The following ABCC6 variants were observed in gnomAD, a reference collection of about 807,000 sequenced individuals.
ABCC6 encodes ATP binding cassette subfamily C member 6.
Under a neutral mutation model 169.5 loss-of-function variants are expected in ABCC6, and 126 were observed. That is an observed-to-expected ratio of 0.74 (90% CI 0.64 to 0.86). The LOEUF is 0.86. ABCC6 is among the 40% of genes least tolerant of loss of function. The probability of loss-of-function intolerance (pLI) is 0.00; values close to 1 mark genes in which losing one functional copy is unlikely to be tolerated. For missense variants in ABCC6, 1,733 were observed against 1,927.2 expected, an observed-to-expected ratio of 0.90 and a Z score of 1.89; for synonymous variants, 752 against 814.7, an observed-to-expected ratio of 0.92 and a Z score of 1.31.
intron 4 of ABCC6, 95 bp downstream of exon 4, chr16:16,219,459 G>C: frequency 1.3e-6 from 1 of 765,594 alleles, no homozygotes; most frequent in Non-Finnish European, 2.2e-6. Flanking sequence ...ACTGTATAGA[G>C]AATAAGTTGT....
At chr16:16,216,437 G>T (rs56231928) in intron 4 of ABCC6, among the ~76,000 whole-genome samples, 11,326 of 148,436 alleles carry the variant, frequency 0.076, 1,024 homozygotes, top group East Asian at 0.33. Flanking sequence ...AAATAAGTGA[G>T]AATATGTAAA....
At chr16:16,175,013 T>TAGTG (rs1340946510) in intron 20 of ABCC6, among the ~76,000 whole-genome samples, 4 of 151,720 alleles carry the variant, frequency 2.6e-5, no homozygotes, top group African/African-American at 9.7e-5. Flanking sequence ...GACCTCTAGC[T>TAGTG]AGTGATCCAC....
At chr16:16,167,658 G>A (rs188634374) in intron 22 of ABCC6, among the ~76,000 whole-genome samples, 1 of 152,058 alleles carries the variant, frequency 6.6e-6, no homozygotes, top group Non-Finnish European at 1.5e-5. Flanking sequence ...TAGTAGAGAC[G>A]GGGTTTCACC....
rs72653768 is a variant in ABCC6 at position 16,190,339 on chromosome 16, C to T, written c.1460G>A (p.Arg487Gln). ...QEEQMRQKDS[R>Q]ARLTSSILRN... Reference sequence around the variant, plus strand: ...GAGGATAGAGCTGGTGAGCCGTGCCCGTGAGTCCTTCTGCCTCATTTGCTC... The same window carrying T: ...GAGGATAGAGCTGGTGAGCCGTGCCTGTGAGTCCTTCTGCCTCATTTGCTC... Residue 487 changes from arginine (R) to glutamine (Q), a missense_variant, in exon 12 of 31, where the codon CGG (arginine) becomes CAG (glutamine). Coordinates refer to ENST00000205557, the MANE Select transcript of ABCC6 (RefSeq NM_001171.6). 8.7e-6 allele frequency: 14 copies of T among 1,614,136 alleles called. No homozygotes were observed. The highest frequency in any genetic ancestry group is 8.3e-5 in the Admixed American group (5 of 60,016).
Position 16,188,837 on chromosome 16 carries a change from G to T in ABCC6, c.1773C>A (p.Leu591=), listed in dbSNP as rs764315042. Residue 591 remains leucine, a synonymous_variant, in exon 13 of 31, where the codon CTC becomes CTA. Transcript: ENST00000205557. The part of the protein sequence containing the change: ...QAFLPFSIHS[L]VQARVSFDRL... ...GCCCTTGCACCCACCTCACCTGGAC[G>T]AGGGAGTGGATGGAGAAGGGCAGGA... 1.9e-6 allele frequency: 3 copies of T among 1,613,816 alleles called. No individual in the cohort carries two copies. Among genetic ancestry groups the T allele is most frequent in the African/African-American group, 1.3e-5 (1 of 75,056 alleles).
chr16:16,221,666 G>C lies in ABCC6; in HGVS notation c.202C>G (p.Leu68Val), dbSNP rs748123458. The change falls in exon 2 of 31, where the codon CTC becomes GTC. Residue 68 changes from leucine (L) to valine (V), a missense_variant. By Grantham distance (32) the Leu-to-Val change is conservative. Coordinates refer to ENST00000205557, the MANE Select transcript of ABCC6 (RefSeq NM_001171.6). ...GCAGCTACCATCTTGGCTTTGAAGA[G>C]TGGGGACATCCGGAGGTAGCCCCGG... is the stretch of plus-strand genomic sequence containing the variant. ...HGRGYLRMSPLFKAKMVLGFA... is the reference protein window; with the variant it reads ...HGRGYLRMSPVFKAKMVLGFA... 6.2e-7 allele frequency: 1 copy of C among 1,614,012 alleles called. No individual in the cohort carries two copies. Among genetic ancestry groups the C allele is most frequent in the Non-Finnish European group, 8.5e-7 (1 of 1,179,872 alleles).
intron 26 of ABCC6, among the ~76,000 whole-genome samples, chr16:16,158,510 C>A (rs1411581435): frequency 6.6e-6 from 1 of 152,154 alleles, no homozygotes; most frequent in African/African-American, 2.4e-5. Flanking sequence ...ATCCATTCAT[C>A]TGTCCATCTC....
intron 21 of ABCC6, 69 bp from the exon 22 acceptor site, chr16:16,169,922 C>T: frequency 6.7e-7 from 1 of 1,483,806 alleles, no homozygotes; most frequent in South Asian, 1.2e-5. Flanking sequence ...GAGGCAAGGC[C>T]AGGCGAGGCT....
intron 4 of ABCC6, among the ~76,000 whole-genome samples, chr16:16,218,004 C>T (rs1447343394): frequency 2.0e-5 from 3 of 152,152 alleles, no homozygotes; most frequent in Non-Finnish European, 2.9e-5. Flanking sequence ...GTATGGGAAT[C>T]GATTGAACCC....
At chr16:16,166,847 G>A (rs928403391) in intron 22 of ABCC6, among the ~76,000 whole-genome samples, 1 of 152,124 alleles carries the variant, frequency 6.6e-6, no homozygotes, top group African/African-American at 2.4e-5. Flanking sequence ...GCCATAAGCC[G>A]AGATCGTGCT....
intron 9 of ABCC6, among the ~76,000 whole-genome samples, chr16:16,201,139 G>A (rs1239784534): frequency 8.5e-5 from 13 of 152,068 alleles, no homozygotes; most frequent in African/African-American, 2.9e-4. Context: ...GCTAATTTTT[G>A]TATTTTTAGT....
At chr16:16,211,032 T>C (rs2048595039) in intron 6 of ABCC6, among the ~76,000 whole-genome samples, 1 of 150,908 alleles carries the variant, frequency 6.6e-6, no homozygotes, top group African/African-American at 2.4e-5. Flanking sequence ...GAGGTGGAGG[T>C]TGCAGTGAGC....
At chr16:16,166,892 C>A (rs913498067) in intron 22 of ABCC6, among the ~76,000 whole-genome samples, 2 of 131,188 alleles carry the variant, frequency 1.5e-5, no homozygotes, top group Non-Finnish European at 3.3e-5. Flanking sequence ...AGCAAGACTC[C>A]GTCTCAGAAA....
intron 4 of ABCC6, among the ~76,000 whole-genome samples, chr16:16,219,051 A>T: frequency 8.6e-6 from 1 of 116,254 alleles, no homozygotes; most frequent in East Asian, 2.4e-4. Flanking sequence ...GCGACAGAGC[A>T]AGCCTCTCAA....
Position 16,221,229 on chromosome 16 carries a change from A to G in ABCC6, c.219+420T>C, listed in dbSNP as rs958829547. On this transcript the variant is annotated intron_variant, in intron 2 of 30. Coordinates refer to ENST00000205557, the MANE Select transcript of ABCC6 (RefSeq NM_001171.6). ...GTGTTTATTTAACACACTAAGGTAA[A>G]TACATATCACATATAAAAATTGTCC... 69 of 1,045,498 alleles carry G rather than the reference A, an allele frequency of 6.6e-5. 1 individual carries two copies. In the African/African-American group the frequency reaches 9.9e-4, roughly 15 times the overall value. 64.8% of individuals were successfully genotyped at this position (1,045,498 alleles called of 1,614,324 possible).
In ABCC6 at chr16:16,153,156, C is replaced by T. The variant is rs757968616; in HGVS notation, c.4208+1472G>A. ...CTGACCTCAGGTGATCCACCCGCCT[C>T]GGCCTCCCATAGTGCTAGGATTACA... is the stretch of plus-strand genomic sequence containing the variant. On this transcript the variant is annotated intron_variant, in intron 29 of 30. Transcript: ENST00000205557. Among the ~76,000 whole-genome samples the T allele has an allele frequency of 5.9e-5, 9 of 152,220 alleles. No homozygotes were observed. In the South Asian group the frequency reaches 8.3e-4, roughly 14 times the overall value.
At chr16:16,179,082 G>T in intron 17 of ABCC6, 117 bp from the exon 18 acceptor site, 1 of 1,168,964 alleles carries the variant, frequency 8.6e-7, no homozygotes, top group Non-Finnish European at 1.2e-6. Context: ...AGCTCAACAT[G>T]CCTATTCCCT....
chr16:16,195,278 A>G (rs1263014123), intron 10 of ABCC6, among the ~76,000 whole-genome samples: 2 of 138,698 alleles, frequency 1.4e-5, no homozygotes, highest in Admixed American at 7.2e-5. Context: ...TGCATTATCT[A>G]TGGATATCTT....
At chr16:16,156,573 C>G (rs1204996332) in intron 27 of ABCC6, among the ~76,000 whole-genome samples, 3 of 152,130 alleles carry the variant, frequency 2.0e-5, no homozygotes, top group Non-Finnish European at 4.4e-5. Flanking sequence ...CTCAGGAATT[C>G]ACACTTTACC....
Sources: gnomAD v4.1 joint callset for allele counts (sites outside exome capture counted in the v4.1 genomes callset) on GRCh38, gnomAD v4.1.1 for gene constraint, MANE v1.5 for transcripts, NCBI Gene and HGNC (gene_info 2026-07-23, HGNC 2026-07-21) for gene names.